The following SMURF2 variants were observed in gnomAD, a reference collection of about 807,000 sequenced individuals.
SMURF2 encodes the protein SMAD specific E3 ubiquitin protein ligase 2.
A neutral mutation model predicts 109.6 loss-of-function variants in SMURF2; 48 were observed. The ratio of observed to expected loss-of-function variants is 0.44; its 90% confidence interval spans 0.35 to 0.56. The LOEUF (loss-of-function observed/expected upper bound fraction) is 0.56. SMURF2 is among the 20% of genes least tolerant of loss of function. The pLI is 0.01. For missense variants in SMURF2, 575 were observed against 909.0 expected (o/e 0.63, Z 4.72); for synonymous variants, 288 against 317.1 (o/e 0.91, Z 0.97).
chr17:64,552,998 C>A lies in SMURF2; in HGVS notation c.1749-1294G>T, dbSNP rs116491647. 4.9e-3 allele frequency among the ~76,000 whole-genome samples: 739 copies of A among 152,236 alleles called. 5 individuals are homozygous for A. Among genetic ancestry groups the A allele is most frequent in the African/African-American group, 0.017 (694 of 41,536 alleles). ...GGAATACAGGCATGAGCCACTGCACCCAGCCTGTTCTTTCATTTTTTTTAA... is the reference window on the plus strand; with the variant it reads ...GGAATACAGGCATGAGCCACTGCACACAGCCTGTTCTTTCATTTTTTTTAA... On this transcript the variant is annotated intron_variant, in intron 15 of 18. Coordinates refer to ENST00000262435, the MANE Select transcript of SMURF2 (RefSeq NM_022739.4).
At chr17:64,559,160 T>C (rs1969171565) in intron 12 of SMURF2, among the ~76,000 whole-genome samples, 2 of 152,226 alleles carry the variant, frequency 1.3e-5, no homozygotes, top group African/African-American at 2.4e-5. Context: ...AATTTTTGTT[T>C]TGTTTTACCA....
intron 1 of SMURF2, among the ~76,000 whole-genome samples, chr17:64,611,953 A>C (rs77698529): frequency 0.05 from 7,634 of 152,106 alleles, 312 homozygotes; most frequent in Admixed American, 0.14. Context: ...TCTCAAATGT[A>C]TCTCTCTCAC....
intron 1 of SMURF2, among the ~76,000 whole-genome samples, chr17:64,643,471 C>T (rs1304085696): frequency 6.6e-6 from 1 of 152,152 alleles, no homozygotes; most frequent in African/African-American, 2.4e-5. Flanking sequence ...TAGGAGGCTG[C>T]CGTCATGTAC....
intron 9 of SMURF2, among the ~76,000 whole-genome samples, chr17:64,577,774 C>T (rs1969516573): frequency 6.6e-6 from 1 of 151,578 alleles, no homozygotes; most frequent in South Asian, 2.1e-4. Context: ...GATTTTTAAT[C>T]TTTGGTAGAG....
intron 5 of SMURF2, 114 bp from the exon 6 acceptor site, chr17:64,586,284 G>T: frequency 1.8e-6 from 1 of 567,012 alleles, no homozygotes. Context: ...ACTTTAGAAT[G>T]AACTCTTTGG....
chr17:64,606,624 GT>G lies in SMURF2; in HGVS notation c.68del (p.Asn23ThrfsTer3). The G allele has an allele frequency of 6.5e-7, 1 of 1,537,660 alleles. No homozygotes were observed. Among genetic ancestry groups the G allele is most frequent in the Admixed American group, 2.0e-5 (1 of 50,480 alleles). ...TACGGAAAAAATCCTTTTTCACCAGGTTTTTTGCACAGAGTACTGTAAAAAA... is the reference window on the plus strand; with the variant it reads ...TACGGAAAAAATCCTTTTTCACCAGGTTTTTGCACAGAGTACTGTAAAAAA... ...KLRLTVLCAK[N>X]LVKKDFFRLP... On this transcript the variant is annotated frameshift_variant, in exon 2 of 19. Coordinates refer to ENST00000262435, the MANE Select transcript of SMURF2 (RefSeq NM_022739.4). LOFTEE classifies it high-confidence loss of function.
At chr17:64,597,057 AGAAAG>A (rs1289365922) in intron 3 of SMURF2, among the ~76,000 whole-genome samples, 1 of 152,236 alleles carries the variant, frequency 6.6e-6, no homozygotes, top group Non-Finnish European at 1.5e-5. Flanking sequence ...GGAAGACTAA[AGAAAG>A]GAAGAGGCTT....
intron 1 of SMURF2, among the ~76,000 whole-genome samples, chr17:64,632,992 T>A (rs1555691785): frequency 1.3e-5 from 2 of 152,204 alleles, no homozygotes; most frequent in Non-Finnish European, 2.9e-5. Context: ...AGGTAGAGGC[T>A]GCATGTGGTG....
At chr17:64,629,410 A>G (rs1384392534) in intron 1 of SMURF2, among the ~76,000 whole-genome samples, 2 of 152,096 alleles carry the variant, frequency 1.3e-5, no homozygotes, top group Non-Finnish European at 2.9e-5. Flanking sequence ...AGGCTAAGGC[A>G]AAAGGATAGC....
chr17:64,554,999 T>G lies in SMURF2; in HGVS notation c.1611-6A>C. ...CACCTGTAATATCATTCTCACTGGA[T>G]AGGAAAGAGGAAAAGATATGTAACT... On this transcript the variant is annotated splice_polypyrimidine_tract_variant and splice_region_variant and intron_variant, in intron 14 of 18. Transcript: ENST00000262435. The G allele has an allele frequency of 1.9e-6, 3 of 1,610,992 alleles. No homozygotes were observed. The highest frequency in any genetic ancestry group is 2.5e-6 in the Non-Finnish European group (3 of 1,178,746).
chr17:64,630,191 G>A (rs546375883), intron 1 of SMURF2, among the ~76,000 whole-genome samples: 1 of 151,716 alleles, frequency 6.6e-6, no homozygotes, highest in Non-Finnish European at 1.5e-5. Context: ...AGCTGAGATC[G>A]CACCACTGTA....
chr17:64,578,416 A>C, intron 9 of SMURF2, 76 bp downstream of exon 9: 1 of 990,848 alleles, frequency 1.0e-6, no homozygotes. Flanking sequence ...AAAGGTAAAA[A>C]TTTCTTAAAA....
At chr17:64,574,427 G>T (rs1969459351) in intron 9 of SMURF2, among the ~76,000 whole-genome samples, 1 of 152,078 alleles carries the variant, frequency 6.6e-6, no homozygotes, top group African/African-American at 2.4e-5. Flanking sequence ...AAAGAGAAAT[G>T]CAAAACATGA....
rs940317136 is a variant in SMURF2, at chr17:64,542,504, G to A, written c.*3344C>T. ...TGATAAAACTTTGTTTTTAAAGTCAGTCTGAGAGAAGAATATTACATAAAG... is the reference window on the plus strand; with the variant it reads ...TGATAAAACTTTGTTTTTAAAGTCAATCTGAGAGAAGAATATTACATAAAG... On this transcript the variant is annotated 3_prime_UTR_variant, in exon 19 of 19. Transcript: ENST00000262435. 6.6e-6 allele frequency: 1 copy of A among 152,118 alleles called. No individual in the cohort carries two copies. The highest frequency in any genetic ancestry group is 6.5e-5 in the Admixed American group (1 of 15,272). 9.4% of individuals were successfully genotyped at this position (152,118 alleles called of 1,614,324 possible). A position where few individuals can be genotyped will look rare whatever the true frequency, so the allele number is the denominator to read the frequency against.
rs577784758 is a variant in SMURF2 at position 64,589,163 on chromosome 17, C to G, written c.400+1921G>C. Among the ~76,000 whole-genome samples the G allele has an allele frequency of 2.0e-5, 3 of 152,202 alleles. No individual in the cohort carries two copies. In the South Asian group the frequency reaches 6.2e-4, roughly 32 times the overall value. Reference sequence around the variant, plus strand: ...AGAGCTTTAAATAAATACATATATACAGGCATACACATATTTAAGAGTAAA... The same window carrying G: ...AGAGCTTTAAATAAATACATATATAGAGGCATACACATATTTAAGAGTAAA... On this transcript the variant is annotated intron_variant, in intron 5 of 18. Coordinates refer to ENST00000262435, the MANE Select transcript of SMURF2 (RefSeq NM_022739.4).
intron 1 of SMURF2, among the ~76,000 whole-genome samples, chr17:64,630,889 A>G (rs1211088875): frequency 6.6e-6 from 1 of 152,078 alleles, no homozygotes; most frequent in African/African-American, 2.4e-5. Flanking sequence ...AAAAGCAACT[A>G]TTAGTCAAAT....
intron 1 of SMURF2, among the ~76,000 whole-genome samples, chr17:64,638,691 C>T (rs1970454235): frequency 6.6e-6 from 1 of 152,210 alleles, no homozygotes; most frequent in South Asian, 2.1e-4. Flanking sequence ...TTTTCCTCTA[C>T]TAACCACACA....
intron 1 of SMURF2, among the ~76,000 whole-genome samples, chr17:64,627,362 C>A (rs1445476260): frequency 1.3e-5 from 2 of 152,072 alleles, no homozygotes; most frequent in Non-Finnish European, 2.9e-5. Context: ...GTGATCCGCC[C>A]ACCTCAGCCT....
chr17:64,618,445 G>A (rs1036856235), intron 1 of SMURF2, among the ~76,000 whole-genome samples: 13 of 152,146 alleles, frequency 8.5e-5, no homozygotes, highest in Non-Finnish European at 1.5e-4. Context: ...GTATTTCTGT[G>A]AATTCTTTAT....
Sources: allele counts gnomAD v4.1 joint callset (sites outside exome capture counted in the v4.1 genomes callset), GRCh38; gene constraint gnomAD v4.1.1; transcripts MANE v1.5; gene names NCBI Gene and HGNC (gene_info 2026-07-23, HGNC 2026-07-21).